CLIC5: variants seen among roughly 807,000 people sequenced by gnomAD.
CLIC5 encodes chloride intracellular channel protein 5.
Under a neutral mutation model 24.7 loss-of-function variants are expected in CLIC5, and 20 were observed. The observed-to-expected ratio is 0.81, with a 90% CI of 0.57 to 1.18. CLIC5 has a LOEUF of 1.18. Ranked by LOEUF, CLIC5 falls within the 50% of genes most tolerant of loss-of-function variation. CLIC5 has a pLI of 0.00. For synonymous variants in CLIC5, 159 were observed against 135.6 expected (o/e 1.17, Z -1.20); for missense variants, 341 against 326.1 (o/e 1.05, Z -0.35).
the CLIC5 span, chr6:46,123,060 A>T: frequency 6.6e-6 from 1 of 152,264 alleles, no homozygotes; most frequent in Non-Finnish European, 1.5e-5. Flanking sequence ...AAAGAGAGGG[A>T]ATCCTCCCTA....
Position 45,924,383 on chromosome 6 carries a change from C to CCCTTG in CLIC5, c.407-9979_407-9975dup, listed in dbSNP as rs1477644245. Among the ~76,000 whole-genome samples the CCCTTG allele has an allele frequency of 7.2e-5, 11 of 152,272 alleles. No individual in the cohort carries two copies. In the East Asian group the frequency reaches 1.9e-3, roughly 27 times the overall value. On this transcript the variant is annotated intron_variant, in intron 4 of 5. Coordinates refer to ENST00000339561, the MANE Select transcript of CLIC5 (RefSeq NM_016929.5). ...TACAAGTACACCTGGACCTCCCTCC[C>CCCTTG]CCTTGCTCAGAGCAGTTCCCTGGAT...
intron 1 of CLIC5, among the ~76,000 whole-genome samples, chr6:46,008,261 C>T (rs546945327): frequency 6.6e-6 from 1 of 152,176 alleles, no homozygotes; most frequent in South Asian, 2.1e-4. Flanking sequence ...CTTCAGACAA[C>T]CCCGTGTACT....
chr6:46,042,795 A>C (rs545832996), intron 1 of CLIC5, among the ~76,000 whole-genome samples: 1 of 152,220 alleles, frequency 6.6e-6, no homozygotes, highest in East Asian at 1.9e-4. Context: ...AACCTCAGAG[A>C]GATGGGGCAC....
At chr6:45,912,862 T>G in intron 5 of CLIC5, 1 of 697,228 alleles carries the variant, frequency 1.4e-6, no homozygotes, top group Non-Finnish European at 2.5e-6. Flanking sequence ...AAATGTTCTT[T>G]TCTAAATAGG....
At chr6:45,909,455 T>C (rs544752518) in intron 5 of CLIC5, among the ~76,000 whole-genome samples, 4 of 152,352 alleles carry the variant, frequency 2.6e-5, no homozygotes, top group Admixed American at 6.5e-5. Context: ...TAAGGATCTC[T>C]TGTAAGTATG....
chr6:45,881,613 T>G (rs554336040), intron 6 of CLIC5, among the ~76,000 whole-genome samples: 1 of 152,170 alleles, frequency 6.6e-6, no homozygotes, highest in Non-Finnish European at 1.5e-5. Flanking sequence ...TGTTTTGGGG[T>G]TACCAGAAAT....
intron 4 of CLIC5, among the ~76,000 whole-genome samples, chr6:45,940,807 C>T (rs1354938604): frequency 6.6e-6 from 1 of 152,232 alleles, no homozygotes; most frequent in Non-Finnish European, 1.5e-5. Flanking sequence ...TAACACCGTT[C>T]TTCAAGTGTT....
At chr6:46,053,419 C>T (rs1032625821) in intron 1 of CLIC5, among the ~76,000 whole-genome samples, 5 of 152,156 alleles carry the variant, frequency 3.3e-5, no homozygotes, top group African/African-American at 7.2e-5. Flanking sequence ...GGAATTGAGC[C>T]GTGCCCAGTT....
At chr6:46,054,697 G>C (rs1414454484) in intron 1 of CLIC5, among the ~76,000 whole-genome samples, 1 of 152,180 alleles carries the variant, frequency 6.6e-6, no homozygotes, top group African/African-American at 2.4e-5. Context: ...TGATCCAATA[G>C]GTTTACTATC....
In CLIC5 at chr6:46,031,985, A is replaced by G. The variant is rs373032004; in HGVS notation, c.540+47718T>C. On this transcript the variant is annotated intron_variant, in intron 1 of 5. Transcript: ENST00000185206. Reference sequence around the variant, plus strand: ...CAAATATATATATATGTGTACATATATATTTCCTGGAAGGCTAGATACTAA... The same window carrying G: ...CAAATATATATATATGTGTACATATGTATTTCCTGGAAGGCTAGATACTAA... Among the ~76,000 whole-genome samples, 42 of 151,646 alleles carry G rather than the reference A, an allele frequency of 2.8e-4. No homozygotes were observed. The South Asian group carries it at 7.9e-3, about 29-fold the overall frequency.
At chr6:45,963,429 C>T (rs1764916473) in intron 1 of CLIC5, among the ~76,000 whole-genome samples, 1 of 152,116 alleles carries the variant, frequency 6.6e-6, no homozygotes, top group Non-Finnish European at 1.5e-5. Flanking sequence ...CCCTCATTTT[C>T]ATTTGGCAGT....
chr6:46,058,201 T>C lies in CLIC5; in HGVS notation c.540+21502A>G, dbSNP rs148256632. Among the ~76,000 whole-genome samples, 397 of 152,316 alleles carry C rather than the reference T, an allele frequency of 2.6e-3. 2 individuals are homozygous for C. Among genetic ancestry groups the C allele is most frequent in the African/African-American group, 8.3e-3 (346 of 41,576 alleles). On this transcript the variant is annotated intron_variant, in intron 1 of 5. Coordinates refer to the CLIC5 transcript ENST00000185206. ...CAGAAAATCTGGCATATAGCAGACA[T>C]GAATTTTAACTACCCAGAGAGATAC...
At chr6:46,073,304 A>G (rs1268247031) in intron 1 of CLIC5, among the ~76,000 whole-genome samples, 1 of 152,202 alleles carries the variant, frequency 6.6e-6, no homozygotes, top group East Asian at 1.9e-4. Context: ...TGCTGAATCC[A>G]TATATCTCCC....
chr6:45,933,476 C>T (rs1306513060), intron 4 of CLIC5, among the ~76,000 whole-genome samples: 1 of 152,228 alleles, frequency 6.6e-6, no homozygotes, highest in Non-Finnish European at 1.5e-5. Flanking sequence ...GCAGTTACAA[C>T]TGATGAAGGG....
intron 1 of CLIC5, among the ~76,000 whole-genome samples, chr6:46,009,821 GGAGC>G (rs1766738528): frequency 6.6e-6 from 1 of 152,172 alleles, no homozygotes; most frequent in Admixed American, 6.5e-5. Context: ...CAGTTATGTA[GGAGC>G]TTTCTTGGAT....
intron 1 of CLIC5, among the ~76,000 whole-genome samples, chr6:46,046,060 T>C (rs1294926644): frequency 6.6e-6 from 1 of 152,176 alleles, no homozygotes; most frequent in Non-Finnish European, 1.5e-5. Flanking sequence ...AATTACTCCA[T>C]AGTTACCCAA....
intron 2 of CLIC5, among the ~76,000 whole-genome samples, chr6:45,952,394 T>A (rs1223128189): frequency 6.6e-6 from 1 of 152,218 alleles, no homozygotes; most frequent in Non-Finnish European, 1.5e-5. Context: ...CCAGTGATAA[T>A]TCTAAGAATA....
chr6:45,901,443 G>T lies in CLIC5; in HGVS notation c.*1645C>A, dbSNP rs1762509567. The T allele has an allele frequency of 6.6e-6, 1 of 152,128 alleles. No individual in the cohort carries two copies. The allele number at this position is 152,128 out of a possible 1,614,324, so 9.4% of individuals were successfully genotyped here. ...CTGGAGGCAGGTAGGTCCAGGGATT[G>T]CTTGGGTTAGAATTTGTTGATATTT... On this transcript the variant is annotated 3_prime_UTR_variant, in exon 6 of 6. Transcript: ENST00000339561.
the CLIC5 span, among the ~76,000 whole-genome samples, chr6:46,086,295 G>A: frequency 3.9e-5 from 6 of 152,332 alleles, no homozygotes; most frequent in East Asian, 3.9e-4. Context: ...AGATGAACCC[G>A]GTACCTCAGA....
Sources: allele counts gnomAD v4.1 joint callset (sites outside exome capture counted in the v4.1 genomes callset), GRCh38; gene constraint gnomAD v4.1.1; transcripts MANE v1.5; gene names NCBI Gene and HGNC (gene_info 2026-07-23, HGNC 2026-07-21).